IGSF6: variants seen among roughly 807,000 people sequenced by gnomAD.
The protein encoded by IGSF6 is down-regulated by activation (immunoglobulin superfamily).
Under a neutral mutation model 24.7 loss-of-function variants are expected in IGSF6, and 23 were observed. The observed-to-expected ratio is 0.93, with a 90% CI of 0.67 to 1.32. IGSF6 has a LOEUF of 1.32. Ranked by LOEUF, IGSF6 falls within the 40% of genes most tolerant of loss-of-function variation. The pLI, the probability that IGSF6 is intolerant of heterozygous loss-of-function variation, is 0.00. For synonymous variants in IGSF6, 110 were observed against 113.7 expected (o/e 0.97, Z 0.21); for missense variants, 295 against 293.6 (o/e 1.00, Z -0.04).
intron 1 of IGSF6, among the ~76,000 whole-genome samples, chr16:21,650,489 C>T (rs1191294193): frequency 8.0e-6 from 1 of 124,444 alleles, no homozygotes; most frequent in African/African-American, 3.1e-5. Context: ...GCCTGGGTGA[C>T]AGAGTGAGAC....
At chr16:21,651,555 G>GCC (rs1008951847) in intron 1 of IGSF6, among the ~76,000 whole-genome samples, 3 of 151,868 alleles carry the variant, frequency 2.0e-5, no homozygotes, top group African/African-American at 7.3e-5. Flanking sequence ...TCTCACCTTG[G>GCC]CCCCCAAAGT....
Position 21,640,356 on chromosome 16 carries a change from G to A in IGSF6, c.*1178C>T, listed in dbSNP as rs1408102677. Reference sequence around the variant, plus strand: ...TTTTATACCAAAGTAGCTTTCAAAGGACAATTTATATCATGTTTTCTTAGT... The same window carrying A: ...TTTTATACCAAAGTAGCTTTCAAAGAACAATTTATATCATGTTTTCTTAGT... On this transcript the variant is annotated 3_prime_UTR_variant, in exon 6 of 6. Coordinates refer to ENST00000268389, the MANE Select transcript of IGSF6 (RefSeq NM_005849.4). 5 of 152,004 alleles carry A rather than the reference G, an allele frequency of 3.3e-5. No individual in the cohort carries two copies. The highest frequency in any genetic ancestry group is 9.7e-5 in the African/African-American group (4 of 41,354). The allele number at this position is 152,004 out of a possible 1,614,324, so 9.4% of individuals were successfully genotyped here. A position where few individuals can be genotyped will look rare whatever the true frequency, so the allele number is the denominator to read the frequency against.
In IGSF6 at chr16:21,647,406, T is replaced by G. The variant is rs756831346; in HGVS notation, c.154A>C (p.Thr52Pro). 6.2e-7 allele frequency: 1 copy of G among 1,614,006 alleles called. No individual in the cohort carries two copies. Among genetic ancestry groups the G allele is most frequent in the South Asian group, 1.1e-5 (1 of 91,076 alleles). The change falls in exon 2 of 6, where the codon ACC becomes CCC. Residue 52 changes from threonine (T) to proline (P), a missense_variant. Thr to Pro is a conservative substitution (Grantham distance 38). Coordinates refer to ENST00000268389, the MANE Select transcript of IGSF6 (RefSeq NM_005849.4). ...GAAGGGCATCCGGTTGCGGAGAAGG[T>G]ACACTTTATGGTGACGGCCTCATGA... The part of the protein sequence containing the change: ...YTHEAVTIKC[T>P]FSATGCPSEQ...
intron 1 of IGSF6, among the ~76,000 whole-genome samples, chr16:21,647,986 G>A (rs1200771956): frequency 6.6e-6 from 1 of 152,208 alleles, no homozygotes; most frequent in Admixed American, 6.5e-5. Flanking sequence ...TGCTTTGTGG[G>A]AGTTGAGATC....
At chr16:21,649,237 C>T (rs957429503) in intron 1 of IGSF6, among the ~76,000 whole-genome samples, 18 of 152,174 alleles carry the variant, frequency 1.2e-4, no homozygotes, top group Non-Finnish European at 1.9e-4. Flanking sequence ...AAGCGACCCG[C>T]TTGCCTCGGC....
In IGSF6 at chr16:21,641,601, A is replaced by G; in HGVS notation, c.667-8T>C. 1 of 1,537,336 alleles carries G rather than the reference A, an allele frequency of 6.5e-7. No homozygotes were observed. Among genetic ancestry groups the G allele is most frequent in the Middle Eastern group, 1.7e-4 (1 of 5,918 alleles). On this transcript the variant is annotated splice_polypyrimidine_tract_variant and splice_region_variant and intron_variant, in intron 5 of 5. Transcript: ENST00000268389. ...AGTGTTGTTATCTTTCTCCTGCAAT[A>G]ATAAATAAATAGAAAGCCATGTTTA... is the stretch of plus-strand genomic sequence containing the variant.
At chr16:21,643,697 T>C (rs550005068) in intron 3 of IGSF6, 99 bp from the exon 4 acceptor site, 4 of 742,866 alleles carry the variant, frequency 5.4e-6, no homozygotes, top group African/African-American at 5.4e-5. Flanking sequence ...AACTTAATAT[T>C]TAAGTGATAT....
At chr16:21,646,412 C>T (rs1416873030) in intron 2 of IGSF6, 3 of 152,132 alleles carry the variant, frequency 2.0e-5, no homozygotes, top group African/African-American at 2.4e-5. Context: ...TTCTGTGGGT[C>T]CAATTTATTG....
At chr16:21,645,298 C>T (rs1246301635) in intron 2 of IGSF6, among the ~76,000 whole-genome samples, 1 of 152,018 alleles carries the variant, frequency 6.6e-6, no homozygotes, top group Non-Finnish European at 1.5e-5. Context: ...ACTAAAAATA[C>T]CAAAATTAGC....
chr16:21,647,553 A>G (rs1187715127), intron 1 of IGSF6, 61 bp from the exon 2 acceptor site: 3 of 1,541,280 alleles, frequency 1.9e-6, no homozygotes, highest in Admixed American at 4.2e-5. Context: ...TGCTTTTATT[A>G]TATTTTTGAG....
chr16:21,650,779 A>G (rs1305802444), intron 1 of IGSF6, among the ~76,000 whole-genome samples: 1 of 152,190 alleles, frequency 6.6e-6, no homozygotes, highest in East Asian at 1.9e-4. Context: ...AGAAGTTTGG[A>G]TATGTCACAC....
intron 1 of IGSF6, among the ~76,000 whole-genome samples, chr16:21,649,133 T>C (rs1245065661): frequency 6.6e-6 from 1 of 152,104 alleles, no homozygotes; most frequent in Non-Finnish European, 1.5e-5. Flanking sequence ...GCTGGGACTG[T>C]AGGCCTGCAG....
At chr16:21,649,492 G>T (rs1966513724) in intron 1 of IGSF6, among the ~76,000 whole-genome samples, 1 of 152,092 alleles carries the variant, frequency 6.6e-6, no homozygotes, top group East Asian at 1.9e-4. Flanking sequence ...TCTCAAGTCT[G>T]AGAAATACAA....
In IGSF6 at chr16:21,641,367, A is replaced by C; in HGVS notation, c.*167T>G. 2.4e-6 allele frequency: 1 copy of C among 425,056 alleles called. No individual in the cohort carries two copies. The allele number at this position is 425,056 out of a possible 1,614,324, so 26.3% of individuals were successfully genotyped here. On this transcript the variant is annotated 3_prime_UTR_variant, in exon 6 of 6. Coordinates refer to ENST00000268389, the MANE Select transcript of IGSF6 (RefSeq NM_005849.4). ...TTTGTTGGGTTTTAGTATTTTGGTA[A>C]TGACTATTAGTTATAGTTTCCTTAC... is the stretch of plus-strand genomic sequence containing the variant.
rs747420250 is a variant in IGSF6 at position 21,647,466 on chromosome 16, CAG to C, written c.92_93del (p.Ser31CysfsTer14). ...ACTTCTAGGTACCACGGTTGTGTGA[CAG>C]AGAGAGTACAGGCGCCCACAGCACC... Reference protein sequence around the residue: ...CVGAVGACTLSVTQPWYLEVD... With the variant: ...CVGAVGACTLXVTQPWYLEVD... On this transcript the variant is annotated frameshift_variant, in exon 2 of 6. Coordinates refer to ENST00000268389, the MANE Select transcript of IGSF6 (RefSeq NM_005849.4). LOFTEE classifies it high-confidence loss of function. The C allele has an allele frequency of 1.1e-5, 17 of 1,613,780 alleles. No individual in the cohort carries two copies. In the South Asian group the frequency reaches 1.8e-4, roughly 17 times the overall value.
Position 21,639,913 on chromosome 16 carries a change from A to G in IGSF6, c.*1621T>C, listed in dbSNP as rs1966203052. 1 of 151,232 alleles carries G rather than the reference A, an allele frequency of 6.6e-6. No homozygotes were observed. Among genetic ancestry groups the G allele is most frequent in the Admixed American group, 6.7e-5 (1 of 15,012 alleles). 9.4% of individuals were successfully genotyped at this position (151,232 alleles called of 1,614,324 possible). A position where few individuals can be genotyped will look rare whatever the true frequency, so the allele number is the denominator to read the frequency against. Reference sequence around the variant, plus strand: ...ACACCTTAGGCAATACCAGTTTAAAAGAAACACTTTATTTTATTTATTTAT... The same window carrying G: ...ACACCTTAGGCAATACCAGTTTAAAGGAAACACTTTATTTTATTTATTTAT... On this transcript the variant is annotated 3_prime_UTR_variant, in exon 6 of 6. Transcript: ENST00000268389.
intron 1 of IGSF6, among the ~76,000 whole-genome samples, chr16:21,651,404 C>T (rs892752766): frequency 1.3e-5 from 2 of 152,116 alleles, no homozygotes; most frequent in Admixed American, 6.5e-5. Context: ...AAGTGATCCT[C>T]CTGCCTCAGC....
rs1966356154 is a variant in IGSF6, at chr16:21,644,147, G to A, written c.534+143C>T. 8.2e-6 allele frequency: 5 copies of A among 613,372 alleles called. No individual in the cohort carries two copies. In the East Asian group the frequency reaches 1.4e-4, roughly 17 times the overall value. 38.0% of individuals were successfully genotyped at this position (613,372 alleles called of 1,614,324 possible). On this transcript the variant is annotated intron_variant, in intron 3 of 5. Transcript: ENST00000268389. ...CTTCTTCCAAAGACCTCTTCTGCAG[G>A]TGGTGTTCCCTGCAGATGCACAGGA... is the stretch of plus-strand genomic sequence containing the variant.
intron 1 of IGSF6, among the ~76,000 whole-genome samples, chr16:21,650,740 A>G (rs1403346249): frequency 6.6e-6 from 1 of 152,042 alleles, no homozygotes; most frequent in Non-Finnish European, 1.5e-5. Flanking sequence ...CCCTCCCCCA[A>G]CCAGTTAGGC....
Sources: allele counts gnomAD v4.1 joint callset (sites outside exome capture counted in the v4.1 genomes callset), GRCh38; gene constraint gnomAD v4.1.1; transcripts MANE v1.5; gene names NCBI Gene and HGNC (gene_info 2026-07-23, HGNC 2026-07-21).